COL25A1: variants seen among roughly 807,000 people sequenced by gnomAD.
COL25A1 encodes the protein collagen alpha-1(XXV) chain.
A neutral mutation model predicts 128.4 loss-of-function variants in COL25A1; 103 were observed. That is an observed-to-expected ratio of 0.80 (90% CI 0.68 to 0.94). The LOEUF is 0.94. COL25A1 is among the 40% of genes least tolerant of loss of function. COL25A1 has a pLI of 0.00. For synonymous variants in COL25A1, 279 were observed against 277.2 expected (o/e 1.01, Z -0.06); for missense variants, 745 against 840.0 (o/e 0.89, Z 1.40).
At chr4:109,272,789 G>A (rs1043278549) in intron 3 of COL25A1, among the ~76,000 whole-genome samples, 2 of 152,162 alleles carry the variant, frequency 1.3e-5, no homozygotes, top group Non-Finnish European at 2.9e-5. Context: ...ATGTCATGAA[G>A]TATGGGTAGG....
chr4:109,046,613 C>A (rs1201933798), intron 5 of COL25A1, among the ~76,000 whole-genome samples: 4 of 152,202 alleles, frequency 2.6e-5, no homozygotes, highest in African/African-American at 9.6e-5. Context: ...GGCATGCCAT[C>A]TGCCTAGCAT....
chr4:108,938,040 T>G (rs1290225030), intron 10 of COL25A1, among the ~76,000 whole-genome samples, 197 bp from the exon 11 acceptor site: 1 of 152,206 alleles, frequency 6.6e-6, no homozygotes, highest in African/African-American at 2.4e-5. Context: ...TTTAATAAAA[T>G]TAGTCTAGAT....
At chr4:108,835,914 C>T (rs1195914853) in intron 31 of COL25A1, among the ~76,000 whole-genome samples, 2 of 114,724 alleles carry the variant, frequency 1.7e-5, no homozygotes, top group East Asian at 2.7e-4. Context: ...CTCTGTTGCC[C>T]GGGCTGGAGT....
chr4:108,831,541 T>C (rs1327319580), intron 32 of COL25A1, among the ~76,000 whole-genome samples: 1 of 152,184 alleles, frequency 6.6e-6, no homozygotes, highest in Non-Finnish European at 1.5e-5. Flanking sequence ...TTTTGAAGAC[T>C]TCACTATTAA....
intron 3 of COL25A1, among the ~76,000 whole-genome samples, chr4:109,147,629 C>T (rs992366306): frequency 2.0e-4 from 31 of 151,994 alleles, no homozygotes; most frequent in African/African-American, 7.2e-4. Context: ...CCAGCCTGGC[C>T]AATGTGGTGA....
At chr4:109,172,966 G>A (rs1773728068) in intron 3 of COL25A1, among the ~76,000 whole-genome samples, 1 of 152,140 alleles carries the variant, frequency 6.6e-6, no homozygotes, top group Non-Finnish European at 1.5e-5. Flanking sequence ...TCTTAGGATT[G>A]ATGACATTCT....
At chr4:109,300,731 C>A (rs1725435038) in intron 2 of COL25A1, 79 bp from the exon 3 acceptor site, 1 of 938,016 alleles carries the variant, frequency 1.1e-6, no homozygotes, top group African/African-American at 1.6e-5. Flanking sequence ...TGGCCATACG[C>A]CTGATTTACC....
At chr4:108,836,957 T>C (rs1206584023) in intron 31 of COL25A1, among the ~76,000 whole-genome samples, 1 of 152,086 alleles carries the variant, frequency 6.6e-6, no homozygotes, top group African/African-American at 2.4e-5. Flanking sequence ...CATGCACCTG[T>C]AGTCCCAGCT....
At chr4:108,817,362 G>T in intron 37 of COL25A1, 35 bp downstream of exon 37, 1 of 1,606,370 alleles carries the variant, frequency 6.2e-7, no homozygotes, top group Non-Finnish European at 8.5e-7. Context: ...GAAAGGGAGA[G>T]TGCTTCTTTT....
At chr4:108,863,183 C>A (rs1737468888) in intron 21 of COL25A1, 136 bp downstream of exon 21, 5 of 800,984 alleles carry the variant, frequency 6.2e-6, no homozygotes, top group African/African-American at 1.7e-5. Flanking sequence ...TGAAAAGAAC[C>A]AGTTGGTGTG....
chr4:109,014,943 G>A (rs1008374243), intron 5 of COL25A1, among the ~76,000 whole-genome samples: 2 of 152,214 alleles, frequency 1.3e-5, no homozygotes, highest in Non-Finnish European at 2.9e-5. Flanking sequence ...CACTCACTAG[G>A]ATGTAACAAT....
rs752614358 is a variant in COL25A1, at chr4:109,301,865, A to T, written c.155T>A (p.Leu52Gln). The T allele has an allele frequency of 1.9e-6, 3 of 1,614,216 alleles. No homozygotes were observed. Among genetic ancestry groups the T allele is most frequent in the Non-Finnish European group, 2.5e-6 (3 of 1,180,042 alleles). Residue 52 changes from leucine to glutamine, a missense_variant, in exon 2 of 38, where the codon CTG becomes CAG. This residue lies in a region of COL25A1 where 319 missense variants were observed against 324.9 expected (regional missense o/e 0.98). Transcript: ENST00000399132. ...CTGGAGGTCGTTGGTTTTCACACCC[A>T]GGTACAGGCAAGACACCACGGCCAC... The part of the protein sequence containing the change: ...SVVAVVSCLY[L>Q]GVKTNDLQAR...
intron 3 of COL25A1, among the ~76,000 whole-genome samples, chr4:109,084,231 T>C (rs1248381071): frequency 6.6e-6 from 1 of 152,134 alleles, no homozygotes; most frequent in Non-Finnish European, 1.5e-5. Flanking sequence ...AGGACACATA[T>C]TGCCTTGGAT....
chr4:109,227,005 C>T (rs1305065069), intron 3 of COL25A1, among the ~76,000 whole-genome samples: 1 of 152,122 alleles, frequency 6.6e-6, no homozygotes, highest in Non-Finnish European at 1.5e-5. Context: ...AGCTATATAA[C>T]TGCAGTTATC....
chr4:109,061,134 G>A (rs1169297067), intron 3 of COL25A1, among the ~76,000 whole-genome samples: 1 of 152,162 alleles, frequency 6.6e-6, no homozygotes, highest in Non-Finnish European at 1.5e-5. Context: ...CTACCTAAAA[G>A]AGTCACTTTT....
rs955104081 is a variant in COL25A1, at chr4:108,882,870, A to G, written c.1020+1308T>C. 1.6e-4 allele frequency among the ~76,000 whole-genome samples: 25 copies of G among 152,180 alleles called. 1 individual carries two copies. The highest frequency in any genetic ancestry group is 1.3e-4 in the Admixed American group (2 of 15,284). On this transcript the variant is annotated intron_variant, in intron 19 of 37. Transcript: ENST00000399132. ...CCAAGAAGACATAGCTTTCATGTCT[A>G]TCAATTGTACCAAATATACTCATAA...
At chr4:109,261,929 C>T (rs1175384483) in intron 3 of COL25A1, among the ~76,000 whole-genome samples, 1 of 151,742 alleles carries the variant, frequency 6.6e-6, no homozygotes, top group Non-Finnish European at 1.5e-5. Context: ...GATCTCCTGA[C>T]CTCGTGATCT....
intron 11 of COL25A1, among the ~76,000 whole-genome samples, chr4:108,928,278 T>G (rs1746307311): frequency 6.6e-6 from 1 of 152,196 alleles, no homozygotes; most frequent in Non-Finnish European, 1.5e-5. Context: ...TAACTCATGA[T>G]TCACAGAAAA....
At chr4:108,904,329 TACATATAC>T (rs1394782291) in intron 13 of COL25A1, among the ~76,000 whole-genome samples, 2 of 152,250 alleles carry the variant, frequency 1.3e-5, no homozygotes, top group African/African-American at 4.8e-5. Flanking sequence ...TATACACATA[TACATATAC>T]ACATTAGGTG....
Sources: allele counts gnomAD v4.1 joint callset (sites outside exome capture counted in the v4.1 genomes callset), GRCh38; gene constraint gnomAD v4.1.1; regional missense constraint gnomAD v4.1.1; transcripts MANE v1.5; gene names NCBI Gene and HGNC (gene_info 2026-07-23, HGNC 2026-07-21).